The following PTDSS2 variants were observed in gnomAD, a reference collection of about 807,000 sequenced individuals.
PTDSS2 encodes PSS-2.
In PTDSS2, 41 loss-of-function variants were observed where a neutral mutation model predicts 64.7. That is an observed-to-expected ratio of 0.63 (90% confidence interval 0.49 to 0.82). The LOEUF (loss-of-function observed/expected upper bound fraction) is 0.82, where lower values mean the gene tolerates loss of function less well. PTDSS2 is among the 40% of genes least tolerant of loss of function. The pLI is 0.00. For missense variants in PTDSS2, 485 were observed against 650.0 expected (o/e 0.75, Z 2.76); for synonymous variants, 297 against 277.8 (o/e 1.07, Z -0.69).
Position 490,835 on chromosome 11 carries a change from C to G in PTDSS2, c.*253C>G. 1.9e-6 allele frequency: 1 copy of G among 531,842 alleles called. No individual in the cohort carries two copies. The highest frequency in any genetic ancestry group is 3.3e-6 in the Non-Finnish European group (1 of 301,190). 32.9% of individuals were successfully genotyped at this position (531,842 alleles called of 1,614,324 possible). On this transcript the variant is annotated 3_prime_UTR_variant, in exon 12 of 12. Transcript: ENST00000308020. ...GCGCGTGTGTACACATGCGTGGCCG[C>G]CTGTGGTGTGCACGTGTGCTCTGGG...
In PTDSS2 at chr11:489,868, CT is replaced by C; in HGVS notation, c.1116-14del. On this transcript the variant is annotated splice_polypyrimidine_tract_variant and intron_variant, in intron 10 of 11. Coordinates refer to ENST00000308020, the MANE Select transcript of PTDSS2 (RefSeq NM_030783.3). The stretch of plus-strand genomic sequence containing the variant: ...TGCGGGGCCCGGGACGCTGAACCCC[CT>C]GCTGCCCCTGCAGGAAGCCCCACAA... The C allele has an allele frequency of 1.3e-6, 2 of 1,569,032 alleles. No homozygotes were observed. Among genetic ancestry groups the C allele is most frequent in the Non-Finnish European group, 1.7e-6 (2 of 1,160,096 alleles).
At chr11:467,997 G>A (rs994828156) in intron 2 of PTDSS2, among the ~76,000 whole-genome samples, 5 of 151,818 alleles carry the variant, frequency 3.3e-5, no homozygotes, top group Non-Finnish European at 7.4e-5. Context: ...TTAGCCGAGT[G>A]TCACAGCACA....
rs1847815298 is a variant in PTDSS2 at position 476,581 on chromosome 11, T to C, written c.368-2504T>C. On this transcript the variant is annotated intron_variant, in intron 3 of 11. Transcript: ENST00000308020. This position sits in a 1 kb window ranked among gnomAD's most constrained non-coding sequence, Gnocchi z 4.9. ...ACAGACTGGTCAGCAGGCAGCAGCT[T>C]GTCCTGGCATGTGACCCCTGGCACA... 6.6e-6 allele frequency among the ~76,000 whole-genome samples: 1 copy of C among 152,092 alleles called. No homozygotes were observed. Among genetic ancestry groups the C allele is most frequent in the African/African-American group, 2.4e-5 (1 of 41,416 alleles).
intron 2 of PTDSS2, among the ~76,000 whole-genome samples, chr11:468,992 A>C (rs113221177): frequency 1.7e-5 from 2 of 118,270 alleles, no homozygotes. Context: ...TCTCTGGGTA[A>C]TCGGAAGGAG....
intron 1 of PTDSS2, among the ~76,000 whole-genome samples, chr11:458,511 T>G (rs1846708933): frequency 7.2e-6 from 1 of 139,822 alleles, no homozygotes; most frequent in African/African-American, 3.0e-5. Flanking sequence ...GGCCTGATTT[T>G]TTTTTTTTTT....
In PTDSS2 at chr11:476,542, C is replaced by A. The variant is rs1564981391; in HGVS notation, c.368-2543C>A. Among the ~76,000 whole-genome samples the A allele has an allele frequency of 6.6e-6, 1 of 152,148 alleles. No homozygotes were observed. The highest frequency in any genetic ancestry group is 2.1e-4 in the South Asian group (1 of 4,828). ...GGCGGCATCACTGGGGACTGGGACG[C>A]AGCCGTGAGTGGGACAGACTGGTCA... is the stretch of plus-strand genomic sequence containing the variant. On this transcript the variant is annotated intron_variant, in intron 3 of 11. Transcript: ENST00000308020. The surrounding 1 kb of genome is among the most constrained non-coding windows in gnomAD (Gnocchi z 4.9).
In PTDSS2 at chr11:461,044, G is replaced by A. The variant is rs1463497577; in HGVS notation, c.284+756G>A. 6.6e-6 allele frequency: 1 copy of A among 152,342 alleles called. No homozygotes were observed. The highest frequency in any genetic ancestry group is 2.4e-5 in the African/African-American group (1 of 41,472). 9.4% of individuals were successfully genotyped at this position (152,342 alleles called of 1,614,324 possible). ...GATGGTGGGAGGAAGCCGGAGCAGG[G>A]TCTGAGACCAGCAGCAGGATGGGGA... On this transcript the variant is annotated intron_variant, in intron 2 of 11. Coordinates refer to ENST00000308020, the MANE Select transcript of PTDSS2 (RefSeq NM_030783.3). The surrounding 1 kb of genome is among the most constrained non-coding windows in gnomAD (Gnocchi z 4.2).
chr11:452,958 T>C (rs1846410657), intron 1 of PTDSS2, among the ~76,000 whole-genome samples: 1 of 152,186 alleles, frequency 6.6e-6, no homozygotes, highest in Admixed American at 6.5e-5. Flanking sequence ...CTTCAACTCC[T>C]GGCCTCAAGT....
At chr11:483,473 G>A (rs1848158434) in intron 4 of PTDSS2, among the ~76,000 whole-genome samples, 1 of 152,248 alleles carries the variant, frequency 6.6e-6, no homozygotes, top group Non-Finnish European at 1.5e-5. Context: ...CCCTTACTGA[G>A]TGGAGAAAGT....
chr11:452,562 C>T (rs1164144097), intron 1 of PTDSS2, among the ~76,000 whole-genome samples: 1 of 152,224 alleles, frequency 6.6e-6, no homozygotes, highest in Non-Finnish European at 1.5e-5. Flanking sequence ...CAGGAGGGCT[C>T]TCCAGGAGCG....
intron 2 of PTDSS2, 82 bp from the exon 3 acceptor site, chr11:473,813 G>T (rs1272010524): frequency 9.4e-7 from 1 of 1,062,892 alleles, no homozygotes; most frequent in East Asian, 2.4e-5. Flanking sequence ...CACAATGGGT[G>T]TCTGGGGGTC....
intron 4 of PTDSS2, chr11:480,013 T>C (rs976346822): frequency 2.0e-4 from 31 of 152,438 alleles, no homozygotes; most frequent in African/African-American, 6.5e-4. Context: ...GAAACACAAT[T>C]AGGACGCACA....
chr11:479,070 C>T lies in PTDSS2; in HGVS notation c.368-15C>T, dbSNP rs750618574. ...TGGACCGGGCGCACTAACGTTCTGT[C>T]GTCTGTCTTTGTAGCTTACTGGAGG... On this transcript the variant is annotated splice_polypyrimidine_tract_variant and intron_variant, in intron 3 of 11. Coordinates refer to ENST00000308020, the MANE Select transcript of PTDSS2 (RefSeq NM_030783.3). This position sits in a 1 kb window ranked among gnomAD's most constrained non-coding sequence, Gnocchi z 4.2. The T allele has an allele frequency of 1.1e-5, 17 of 1,613,348 alleles. 1 individual carries two copies. In the South Asian group the frequency reaches 1.5e-4, roughly 15 times the overall value.
intron 2 of PTDSS2, among the ~76,000 whole-genome samples, chr11:464,432 C>T (rs1345580036): frequency 6.6e-6 from 1 of 152,064 alleles, no homozygotes; most frequent in African/African-American, 2.4e-5. Flanking sequence ...CTGTTCCCTG[C>T]GCTCAGAGTG....
intron 1 of PTDSS2, among the ~76,000 whole-genome samples, chr11:455,445 C>T (rs1214806568): frequency 6.6e-6 from 1 of 152,188 alleles, no homozygotes; most frequent in Non-Finnish European, 1.5e-5. Flanking sequence ...CCGTGCACAC[C>T]ACACCCTGTC....
intron 4 of PTDSS2, 110 bp from the exon 5 acceptor site, chr11:486,827 GAC>G (rs1385971784): frequency 7.2e-7 from 1 of 1,384,996 alleles, no homozygotes; most frequent in Non-Finnish European, 9.6e-7. Flanking sequence ...CAGCCTGGGC[GAC>G]AGAGCGAGAC....
upstream of PTDSS2, among the ~76,000 whole-genome samples, chr11:450,075 C>G (rs904518531): frequency 2.6e-5 from 4 of 152,144 alleles, no homozygotes; most frequent in Non-Finnish European, 5.9e-5. Context: ...GCCAGGCCGC[C>G]GGGGATGTCT....
chr11:464,350 G>A (rs745827289), intron 2 of PTDSS2, among the ~76,000 whole-genome samples: 1 of 152,178 alleles, frequency 6.6e-6, no homozygotes, highest in Non-Finnish European at 1.5e-5. Flanking sequence ...TGATTCACGC[G>A]TACGGCTGAT....
intron 1 of PTDSS2, 113 bp downstream of exon 1, chr11:450,750 CTGT>C: frequency 1.0e-6 from 1 of 986,598 alleles, no homozygotes; most frequent in Non-Finnish European, 1.3e-6. Context: ...GAGTCCAGGA[CTGT>C]GGCCGGGGGT....
Sources: gnomAD v4.1 joint callset for allele counts (sites outside exome capture counted in the v4.1 genomes callset) on GRCh38, gnomAD v4.1.1 for gene constraint, Gnocchi (gnomAD v3.1) non-coding constraint, MANE v1.5 for transcripts, NCBI Gene and HGNC (gene_info 2026-07-23, HGNC 2026-07-21) for gene names.